GLRB: variants seen among roughly 807,000 people sequenced by gnomAD.
GLRB encodes the protein glycine receptor subunit beta.
A neutral mutation model predicts 54.2 loss-of-function variants in GLRB; 33 were observed. That is an observed-to-expected ratio of 0.61 (90% CI 0.46 to 0.81). The LOEUF (loss-of-function observed/expected upper bound fraction) is 0.81. GLRB is among the 40% of genes least tolerant of loss of function. The pLI, the probability that GLRB is intolerant of heterozygous loss-of-function variation, is 0.00. For missense variants in GLRB, 572 were observed against 584.6 expected (o/e 0.98, Z 0.22); for synonymous variants, 209 against 208.2 (o/e 1.00, Z -0.03).
At chr4:157,131,683 C>A (rs1240352713) in intron 4 of GLRB, among the ~76,000 whole-genome samples, 1 of 151,716 alleles carries the variant, frequency 6.6e-6, no homozygotes, top group Non-Finnish European at 1.5e-5. Context: ...GTACATTATG[C>A]AGCCTTTTCA....
intron 8 of GLRB, among the ~76,000 whole-genome samples, chr4:157,146,195 T>G (rs1192127808): frequency 6.6e-6 from 1 of 151,990 alleles, no homozygotes; most frequent in Non-Finnish European, 1.5e-5. Context: ...TTTTGTATTT[T>G]TAGTAGAGAC....
intron 9 of GLRB, among the ~76,000 whole-genome samples, chr4:157,153,243 T>C (rs1432177370): frequency 1.3e-5 from 2 of 152,194 alleles, no homozygotes; most frequent in Non-Finnish European, 2.9e-5. Context: ...CCTTATTAAA[T>C]TTTTTGAGGA....
At chr4:157,131,442 G>GT (rs1736212861) in intron 4 of GLRB, among the ~76,000 whole-genome samples, 1 of 151,638 alleles carries the variant, frequency 6.6e-6, no homozygotes, top group Non-Finnish European at 1.5e-5. Flanking sequence ...ATCCTCCAAA[G>GT]TTTATCTTTT....
At chr4:157,077,765 A>G (rs775247052) in intron 1 of GLRB, among the ~76,000 whole-genome samples, 4 of 150,456 alleles carry the variant, frequency 2.7e-5, no homozygotes, top group Non-Finnish European at 5.9e-5. Context: ...CTTGTTTTCT[A>G]TGTGCCATTA....
At chr4:157,083,150 C>G (rs1734285985) in intron 2 of GLRB, among the ~76,000 whole-genome samples, 1 of 151,810 alleles carries the variant, frequency 6.6e-6, no homozygotes, top group Non-Finnish European at 1.5e-5. Context: ...GCAAGGTTTA[C>G]AGAGATTTCT....
At chr4:157,082,996 A>G (rs1037806557) in intron 2 of GLRB, among the ~76,000 whole-genome samples, 1 of 149,460 alleles carries the variant, frequency 6.7e-6, no homozygotes, top group African/African-American at 2.4e-5. Flanking sequence ...ATATACACAC[A>G]TACTTACAAT....
intron 8 of GLRB, among the ~76,000 whole-genome samples, chr4:157,148,464 G>A (rs1208080062): frequency 1.3e-5 from 2 of 151,996 alleles, no homozygotes; most frequent in African/African-American, 2.4e-5. Flanking sequence ...CAGACAATTG[G>A]TTTTAGATCT....
intron 2 of GLRB, among the ~76,000 whole-genome samples, chr4:157,110,767 G>A (rs1735389983): frequency 1.3e-5 from 2 of 151,990 alleles, no homozygotes; most frequent in South Asian, 4.1e-4. Flanking sequence ...TCGTGTGCTA[G>A]AGAAGACCTT....
At chr4:157,164,708 C>T (rs1489727407) in intron 9 of GLRB, among the ~76,000 whole-genome samples, 1 of 152,048 alleles carries the variant, frequency 6.6e-6, no homozygotes, top group Non-Finnish European at 1.5e-5. Context: ...TAATCTATTC[C>T]ATCAAGTAGG....
At chr4:157,123,509 G>A (rs964840331) in intron 4 of GLRB, among the ~76,000 whole-genome samples, 2 of 151,648 alleles carry the variant, frequency 1.3e-5, no homozygotes, top group Admixed American at 1.3e-4. Flanking sequence ...AGATATTTTA[G>A]AGAATTACTT....
rs34390735 is a variant in GLRB at position 157,112,076 on chromosome 4, CTT to C, written c.123-8470_123-8469del. Reference sequence around the variant, plus strand: ...AATTCCTCACATTTCAATTCCATGTCTTTTTTTTTTTAACCATAAACTCTCTT... The same window carrying C: ...AATTCCTCACATTTCAATTCCATGTCTTTTTTTTTAACCATAAACTCTCTT... On this transcript the variant is annotated intron_variant, in intron 2 of 9. Coordinates refer to ENST00000264428, the MANE Select transcript of GLRB (RefSeq NM_000824.5). Among the ~76,000 whole-genome samples the C allele has an allele frequency of 6.0e-3, 874 of 146,278 alleles. 11 individuals carry two copies. Among genetic ancestry groups the C allele is most frequent in the African/African-American group, 0.02 (817 of 40,186 alleles).
intron 2 of GLRB, among the ~76,000 whole-genome samples, chr4:157,107,959 T>A (rs1029770299): frequency 6.6e-6 from 1 of 151,998 alleles, no homozygotes; most frequent in African/African-American, 2.4e-5. Flanking sequence ...CTAGGGCCCT[T>A]AAGAATTATG....
chr4:157,128,232 T>G (rs1188764962), intron 4 of GLRB, among the ~76,000 whole-genome samples: 1 of 151,874 alleles, frequency 6.6e-6, no homozygotes, highest in Non-Finnish European at 1.5e-5. Flanking sequence ...TTCCTTTGTG[T>G]CAAAGTTACC....
Position 157,088,043 on chromosome 4 carries a change from T to C in GLRB, c.122+9897T>C, listed in dbSNP as rs372585770. Among the ~76,000 whole-genome samples the C allele has an allele frequency of 1.1e-3, 161 of 152,276 alleles. 4 individuals are homozygous for C. The South Asian group carries it at 0.033, about 31-fold the overall frequency. ...GTTCCTCTGAGAAATGATGTAAATATGAAATAATATTTTTAGGGCTCTGAT... is the reference window on the plus strand; with the variant it reads ...GTTCCTCTGAGAAATGATGTAAATACGAAATAATATTTTTAGGGCTCTGAT... On this transcript the variant is annotated intron_variant, in intron 2 of 9. Transcript: ENST00000264428.
intron 8 of GLRB, among the ~76,000 whole-genome samples, chr4:157,148,641 GT>G (rs913266543): frequency 2.6e-5 from 4 of 152,124 alleles, no homozygotes; most frequent in African/African-American, 9.7e-5. Flanking sequence ...GAAATGTAGA[GT>G]TTTTTATGGG....
chr4:157,107,029 G>T (rs1171685259), intron 2 of GLRB, among the ~76,000 whole-genome samples: 3 of 151,946 alleles, frequency 2.0e-5, no homozygotes, highest in Admixed American at 6.6e-5. Flanking sequence ...GATTATTATT[G>T]TATCTGTTAG....
At chr4:157,158,640 G>A (rs1737335344) in intron 9 of GLRB, among the ~76,000 whole-genome samples, 1 of 152,138 alleles carries the variant, frequency 6.6e-6, no homozygotes, top group African/African-American at 2.4e-5. Flanking sequence ...TCAGATGGTT[G>A]TAGATGTGTG....
At chr4:157,110,329 T>G (rs1735372032) in intron 2 of GLRB, among the ~76,000 whole-genome samples, 1 of 151,992 alleles carries the variant, frequency 6.6e-6, no homozygotes, top group Non-Finnish European at 1.5e-5. Flanking sequence ...GACCCTTTTC[T>G]TCACTCTTTT....
chr4:157,092,727 A>T (rs771269846), intron 2 of GLRB, among the ~76,000 whole-genome samples: 1 of 152,206 alleles, frequency 6.6e-6, no homozygotes, highest in Non-Finnish European at 1.5e-5. Context: ...TACTGCAAGC[A>T]GCATCATTCA....
Sources: allele counts gnomAD v4.1 joint callset (sites outside exome capture counted in the v4.1 genomes callset), GRCh38; gene constraint gnomAD v4.1.1; transcripts MANE v1.5; gene names NCBI Gene and HGNC (gene_info 2026-07-23, HGNC 2026-07-21).